KY: variants seen among roughly 807,000 people sequenced by gnomAD.
KY encodes kyphoscoliosis peptidase.
In KY, 43 loss-of-function variants were observed where a neutral mutation model predicts 76.1. The ratio of observed to expected loss-of-function variants is 0.57; its 90% CI spans 0.44 to 0.73. The LOEUF is 0.73. KY is among the 30% of genes least tolerant of loss of function. The pLI is 0.00. For synonymous variants in KY, 277 were observed against 326.2 expected, an observed-to-expected ratio of 0.85 and a Z score of 1.63; for missense variants, 722 against 828.9, an observed-to-expected ratio of 0.87 and a Z score of 1.58.
rs1429802008 is a variant in KY, at chr3:134,627,815, A to G, written c.341T>C (p.Leu114Ser). ...TGTGTTTCCATTTTTATCACCTTGT[A>G]AACCTACAATATTCCAAAGATCAGA... ...LLKKFSLAKR[L>S]QGDKNGNTRP... The change falls in exon 5 of 11, where the codon TTA becomes TCA. Residue 114 changes from leucine (L) to serine (S), a missense_variant. By Grantham distance (145) the Leu-to-Ser change is moderately radical. Transcript: ENST00000423778. The G allele has an allele frequency of 6.2e-7, 1 of 1,612,558 alleles. No individual in the cohort carries two copies. Among genetic ancestry groups the G allele is most frequent in the Admixed American group, 1.7e-5 (1 of 60,024 alleles).
Position 134,600,491 on chromosome 3 carries a change from A to G in KY, c.*3088T>C, listed in dbSNP as rs563228917. Among the ~76,000 whole-genome samples, 15 of 152,290 alleles carry G rather than the reference A, an allele frequency of 9.8e-5. No individual in the cohort carries two copies. The East Asian group carries it at 2.7e-3, about 27-fold the overall frequency. Reference sequence around the variant, plus strand: ...TGTAACATATGGGGAACTCACAATGATCATAATCAGATTGAAAATGGAGTC... The same window carrying G: ...TGTAACATATGGGGAACTCACAATGGTCATAATCAGATTGAAAATGGAGTC... On this transcript the variant is annotated 3_prime_UTR_variant, in exon 11 of 11. Coordinates refer to ENST00000423778, the MANE Select transcript of KY (RefSeq NM_178554.6).
Position 134,641,864 on chromosome 3 carries a change from TTGTC to T in KY, c.262+1448_262+1451del, listed in dbSNP as rs1158157943. Among the ~76,000 whole-genome samples the T allele has an allele frequency of 3.3e-5, 5 of 152,198 alleles. 1 individual carries two copies. Among genetic ancestry groups the T allele is most frequent in the African/African-American group, 9.7e-5 (4 of 41,448 alleles). On this transcript the variant is annotated intron_variant, in intron 3 of 10. Transcript: ENST00000423778. ...GTCAGCTCCACAAGGACAGGGGCCT[TTGTC>T]TGTCTTCTTCACTAAGTGAGGTAAG...
At chr3:134,649,223 G>A (rs1023452049) in intron 1 of KY, among the ~76,000 whole-genome samples, 2 of 152,164 alleles carry the variant, frequency 1.3e-5, no homozygotes, top group African/African-American at 2.4e-5. Flanking sequence ...CAGCCATTAG[G>A]GGTCTTTTTT....
intron 8 of KY, among the ~76,000 whole-genome samples, chr3:134,616,020 G>A (rs142110897): frequency 6.6e-5 from 10 of 152,364 alleles, no homozygotes; most frequent in Admixed American, 5.9e-4. Context: ...AGCTGGTGAT[G>A]CTAAAGCCAT....
chr3:134,607,734 G>T, intron 10 of KY: 4 of 985,798 alleles, frequency 4.1e-6, no homozygotes, highest in Non-Finnish European at 4.8e-6. Flanking sequence ...CCATGGCTCC[G>T]TGGTGAAGGT....
intron 3 of KY, among the ~76,000 whole-genome samples, chr3:134,631,657 G>T (rs1964254809): frequency 6.6e-6 from 1 of 152,036 alleles, no homozygotes; most frequent in Non-Finnish European, 1.5e-5. Context: ...AATATTCATT[G>T]TAATAGATTA....
chr3:134,627,624 C>T (rs1183632109), intron 5 of KY, 132 bp downstream of exon 5: 1 of 730,084 alleles, frequency 1.4e-6, no homozygotes, highest in Admixed American at 2.2e-5. Flanking sequence ...ACACTCTTCC[C>T]CTCCTGAACC....
intron 3 of KY, among the ~76,000 whole-genome samples, chr3:134,642,810 G>C: frequency 6.6e-6 from 1 of 152,208 alleles, no homozygotes; most frequent in East Asian, 1.9e-4. Flanking sequence ...CTGAGGCCTT[G>C]CTGGGGCTCA....
chr3:134,650,858 C>T lies in KY; in HGVS notation c.103G>A (p.Ala35Thr). Reference sequence around the variant, plus strand: ...CGCTGCAGCAGCGAGCTCGGGTTCGCCTGCTGGTCTGAGAGCGTACCCTGT... The same window carrying T: ...CGCTGCAGCAGCGAGCTCGGGTTCGTCTGCTGGTCTGAGAGCGTACCCTGT... ...AAQGTLSDQQ[A>T]NPSSLLQRGG... is the part of the protein sequence containing the mutation. Residue 35 changes from alanine to threonine, a missense_variant, in exon 1 of 11, where the codon GCG (alanine) becomes ACG (threonine). By Grantham distance (58) the Ala-to-Thr change is moderately conservative. Coordinates refer to ENST00000423778, the MANE Select transcript of KY (RefSeq NM_178554.6). The T allele has an allele frequency of 6.2e-7, 1 of 1,609,290 alleles. No homozygotes were observed.
intron 8 of KY, among the ~76,000 whole-genome samples, chr3:134,618,536 C>A (rs1341929166): frequency 1.5e-5 from 2 of 134,800 alleles, no homozygotes; most frequent in East Asian, 2.7e-4. Context: ...ATCCCCTCCC[C>A]CCACCCCACA....
chr3:134,610,541 C>A, intron 8 of KY, 158 bp from the exon 9 acceptor site: 1 of 643,994 alleles, frequency 1.6e-6, no homozygotes, highest in South Asian at 2.0e-5. Context: ...GCCTTGATGG[C>A]TTTTATCTCG....
intron 10 of KY, chr3:134,607,991 T>C: frequency 9.7e-7 from 1 of 1,029,400 alleles, no homozygotes; most frequent in Non-Finnish European, 1.2e-6. Flanking sequence ...GTCTAGCTAC[T>C]AGGCCTGTTC....
At chr3:134,643,504 TGTGTGCACACCCTCACA>T in intron 2 of KY, 126 bp from the exon 3 acceptor site, 1 of 699,292 alleles carries the variant, frequency 1.4e-6, no homozygotes, top group South Asian at 1.7e-5. Flanking sequence ...CAGGCCTAAA[TGTGTGCACACCCTCACA>T]GTGTGCACAT....
In KY at chr3:134,601,462, C is replaced by T. The variant is rs566266076; in HGVS notation, c.*2117G>A. ...AGCGCGGGGTCCAGTGAGTGACATG[C>T]GTCATCGAAGGCACTTATTGTTTTG... On this transcript the variant is annotated 3_prime_UTR_variant, in exon 11 of 11. Coordinates refer to ENST00000423778, the MANE Select transcript of KY (RefSeq NM_178554.6). Among the ~76,000 whole-genome samples the T allele has an allele frequency of 6.6e-6, 1 of 152,332 alleles. No homozygotes were observed. The highest frequency in any genetic ancestry group is 2.4e-5 in the African/African-American group (1 of 41,592).
At chr3:134,621,591 A>T (rs1481112788) in intron 6 of KY, among the ~76,000 whole-genome samples, 4 of 152,236 alleles carry the variant, frequency 2.6e-5, no homozygotes, top group Admixed American at 6.5e-5. Context: ...ACTCAAATAT[A>T]AGAGCTTAAA....
chr3:134,645,094 C>G (rs1011358615), intron 2 of KY, among the ~76,000 whole-genome samples: 2 of 152,236 alleles, frequency 1.3e-5, no homozygotes, highest in African/African-American at 4.8e-5. Context: ...ATAGTCAAGG[C>G]TGCACAATTG....
chr3:134,644,363 C>T (rs1336955943), intron 2 of KY, among the ~76,000 whole-genome samples: 14 of 152,348 alleles, frequency 9.2e-5, no homozygotes, highest in Middle Eastern at 3.4e-3. Flanking sequence ...GGCCAAGAAG[C>T]GGGAGCTCAC....
At chr3:134,618,092 C>A (rs542229965) in intron 8 of KY, among the ~76,000 whole-genome samples, 185 of 152,160 alleles carry the variant, frequency 1.2e-3, no homozygotes, top group Middle Eastern at 6.8e-3. Flanking sequence ...AGGGATTGGC[C>A]TTGAAAGTGA....
chr3:134,614,084 A>G (rs4955545), intron 8 of KY, among the ~76,000 whole-genome samples: 95,473 of 152,022 alleles, frequency 0.63, 30,446 homozygotes, highest in East Asian at 0.87. Flanking sequence ...TGGATATGGG[A>G]ACTGTCACTG....
Sources: gnomAD v4.1 joint callset for allele counts (sites outside exome capture counted in the v4.1 genomes callset) on GRCh38, gnomAD v4.1.1 for gene constraint, MANE v1.5 for transcripts, NCBI Gene and HGNC (gene_info 2026-07-23, HGNC 2026-07-21) for gene names.